AK7: variants seen among roughly 807,000 people sequenced by gnomAD.
AK7 encodes adenylate kinase 7.
In AK7, 78 loss-of-function variants were observed where a neutral mutation model predicts 96.6. That is an observed-to-expected ratio of 0.81 (90% CI 0.67 to 0.97). The LOEUF is 0.97. Ranked by LOEUF, AK7 falls within the 50% of genes least tolerant of loss-of-function variation. The pLI, the probability that AK7 is intolerant of heterozygous loss-of-function variation, is 0.00. For missense variants in AK7, 855 were observed against 887.9 expected (o/e 0.96, Z 0.47); for synonymous variants, 302 against 317.2 (o/e 0.95, Z 0.51).
chr14:96,392,676 T>C (rs1889823172), intron 1 of AK7, among the ~76,000 whole-genome samples: 2 of 152,142 alleles, frequency 1.3e-5, no homozygotes, highest in Admixed American at 1.3e-4. Context: ...TCAATTTTTT[T>C]TTTTTGAGAC....
chr14:96,393,280 C>A (rs1219991823), intron 1 of AK7, among the ~76,000 whole-genome samples: 1 of 152,218 alleles, frequency 6.6e-6, no homozygotes, highest in Non-Finnish European at 1.5e-5. Flanking sequence ...GGACAGACTT[C>A]TCTGAGGCTA....
chr14:96,406,761 T>G (rs569206753), intron 3 of AK7, among the ~76,000 whole-genome samples: 23 of 152,276 alleles, frequency 1.5e-4, no homozygotes, highest in Non-Finnish European at 2.6e-4. Flanking sequence ...CATAGCTTAC[T>G]ACAGCCTCAA....
intron 4 of AK7, among the ~76,000 whole-genome samples, chr14:96,412,505 G>A (rs920109567): frequency 6.6e-6 from 1 of 151,090 alleles, no homozygotes; most frequent in Non-Finnish European, 1.5e-5. Context: ...TGGGGTTACA[G>A]ACACGAGCCA....
chr14:96,443,228 T>C (rs916658940), intron 7 of AK7, among the ~76,000 whole-genome samples: 9 of 152,234 alleles, frequency 5.9e-5, no homozygotes, highest in African/African-American at 2.4e-5. Flanking sequence ...TTTTTCCTTC[T>C]TTGACAGTTG....
chr14:96,423,683 C>T (rs1039025388), intron 5 of AK7: 6 of 665,650 alleles, frequency 9.0e-6, no homozygotes, highest in Middle Eastern at 3.4e-4. Flanking sequence ...TTCAGGTCGC[C>T]GAGCTGCCCC....
chr14:96,407,176 T>C (rs1240961931), intron 3 of AK7, among the ~76,000 whole-genome samples: 1 of 152,074 alleles, frequency 6.6e-6, no homozygotes, highest in Non-Finnish European at 1.5e-5. Flanking sequence ...CTGTTATAAA[T>C]ATCATAAATA....
At chr14:96,480,235 C>T (rs1054532596) in intron 15 of AK7, among the ~76,000 whole-genome samples, 4 of 152,094 alleles carry the variant, frequency 2.6e-5, no homozygotes, top group Non-Finnish European at 5.9e-5. Context: ...AGTTCAAGAC[C>T]AGCATGGCCA....
chr14:96,410,012 A>T (rs1890946776), intron 4 of AK7, among the ~76,000 whole-genome samples: 1 of 152,178 alleles, frequency 6.6e-6, no homozygotes, highest in African/African-American at 2.4e-5. Context: ...TTGATCCCAG[A>T]TATGTTCTAA....
At chr14:96,414,068 C>T (rs1480624313) in intron 4 of AK7, among the ~76,000 whole-genome samples, 1 of 152,160 alleles carries the variant, frequency 6.6e-6, no homozygotes, top group Non-Finnish European at 1.5e-5. Context: ...TGTAGAGTGG[C>T]TTACACATGG....
intron 12 of AK7, among the ~76,000 whole-genome samples, chr14:96,462,508 A>G (rs1255345401): frequency 6.6e-6 from 1 of 152,110 alleles, no homozygotes; most frequent in African/African-American, 2.4e-5. Context: ...AGGCCCCTCC[A>G]TGTCCTAACT....
intron 5 of AK7, among the ~76,000 whole-genome samples, chr14:96,436,130 A>C (rs139043609): frequency 2.0e-3 from 301 of 152,086 alleles, no homozygotes; most frequent in African/African-American, 7.0e-3. Context: ...TGGTTGAAAA[A>C]CTGTCTTGGA....
In AK7 at chr14:96,483,205, C is replaced by T. The variant is rs762527495; in HGVS notation, c.1960C>T (p.Arg654Cys). ...EAVEMAEKIA[R>C]WEEWNKRLEE... ...CGTGGAGATGGCAGAGAAGATAGCT[C>T]GCTGGGAGGAGTGGGTGAGTGGTGA... Residue 654 changes from arginine (R) to cysteine (C), a missense_variant, in exon 16 of 18, where the codon CGC becomes TGC. By Grantham distance (180) the Arg-to-Cys change is radical (BLOSUM62 -3). Coordinates refer to ENST00000267584, the MANE Select transcript of AK7 (RefSeq NM_152327.5). 7 of 1,603,262 alleles carry T rather than the reference C, an allele frequency of 4.4e-6. No homozygotes were observed. Among genetic ancestry groups the T allele is most frequent in the Middle Eastern group, 1.7e-4 (1 of 5,886 alleles).
At chr14:96,466,117 G>C (rs1043401581) in intron 12 of AK7, among the ~76,000 whole-genome samples, 2 of 152,020 alleles carry the variant, frequency 1.3e-5, no homozygotes, top group Non-Finnish European at 2.9e-5. Flanking sequence ...ACCCAGGCTG[G>C]AGTGCAGTGG....
chr14:96,444,551 T>A (rs1402799424), intron 7 of AK7, among the ~76,000 whole-genome samples: 1 of 152,138 alleles, frequency 6.6e-6, no homozygotes, highest in Non-Finnish European at 1.5e-5. Context: ...GAAACTAAGC[T>A]GTTACCTGAC....
At chr14:96,452,599 T>G (rs1595433613) in intron 10 of AK7, among the ~76,000 whole-genome samples, 1 of 152,210 alleles carries the variant, frequency 6.6e-6, no homozygotes, top group South Asian at 2.1e-4. Context: ...GTGCTGGGAT[T>G]ACATGCTTGA....
chr14:96,417,607 C>T (rs1485650301), intron 4 of AK7, among the ~76,000 whole-genome samples: 2 of 152,176 alleles, frequency 1.3e-5, no homozygotes, highest in Admixed American at 6.5e-5. Context: ...ATTCATCATC[C>T]GAAATGTATC....
chr14:96,424,843 C>T (rs998471210), intron 5 of AK7, among the ~76,000 whole-genome samples: 9 of 151,866 alleles, frequency 5.9e-5, no homozygotes, highest in African/African-American at 1.7e-4. Context: ...TTATTGGAAC[C>T]CGTGATTTCT....
At chr14:96,417,120 G>A (rs1205134962) in intron 4 of AK7, among the ~76,000 whole-genome samples, 3 of 152,204 alleles carry the variant, frequency 2.0e-5, no homozygotes, top group African/African-American at 7.2e-5. Flanking sequence ...TAGGTGACCT[G>A]GCCCAGCATG....
Position 96,472,701 on chromosome 14 carries a change from G to A in AK7, c.1501G>A (p.Glu501Lys). The A allele has an allele frequency of 6.2e-7, 1 of 1,613,066 alleles. No homozygotes were observed. The highest frequency in any genetic ancestry group is 8.5e-7 in the Non-Finnish European group (1 of 1,179,108). The part of the protein sequence containing the change: ...KDLFNQEDEE[E>K]EDDVRGRMFP... Reference sequence around the variant, plus strand: ...TGTTTTCTTAGAGGAAGATGAGGAGGAGGAAGATGATGTCAGAGGCAGAAT... The same window carrying A: ...TGTTTTCTTAGAGGAAGATGAGGAGAAGGAAGATGATGTCAGAGGCAGAAT... Residue 501 changes from glutamate to lysine, a missense_variant, in exon 14 of 18, where the codon GAG (glutamate) becomes AAG (lysine). Coordinates refer to ENST00000267584, the MANE Select transcript of AK7 (RefSeq NM_152327.5).
Sources: allele counts gnomAD v4.1 joint callset (sites outside exome capture counted in the v4.1 genomes callset), GRCh38; gene constraint gnomAD v4.1.1; transcripts MANE v1.5; gene names NCBI Gene and HGNC (gene_info 2026-07-23, HGNC 2026-07-21).